Variants in DYNC1I1 observed in about 807,000 individuals in gnomAD.
DYNC1I1 encodes the protein cytoplasmic dynein 1 intermediate chain 1.
A neutral mutation model predicts 86.6 loss-of-function variants in DYNC1I1; 43 were observed. The observed-to-expected ratio is 0.50, with a 90% confidence interval of 0.39 to 0.64. The LOEUF (loss-of-function observed/expected upper bound fraction) is 0.64, where lower values mean the gene tolerates loss of function less well. Ranked by LOEUF, DYNC1I1 falls within the 30% of genes least tolerant of loss-of-function variation. The probability of loss-of-function intolerance (pLI) is 0.00; values close to 1 mark genes in which losing one functional copy is unlikely to be tolerated. For synonymous variants in DYNC1I1, 262 were observed against 283.7 expected, an observed-to-expected ratio of 0.92 and a Z score of 0.77; for missense variants, 604 against 788.8, an observed-to-expected ratio of 0.77 and a Z score of 2.81.
At chr7:96,110,109 T>G, downstream of DYNC1I1, 2 of 443,176 alleles carry the variant, frequency 4.5e-6, no homozygotes, top group South Asian at 3.2e-5. Context: ...TTATATCAGC[T>G]ACTGAGAGAT....
chr7:96,060,707 G>C (rs1029819816), intron 14 of DYNC1I1, among the ~76,000 whole-genome samples: 1 of 152,088 alleles, frequency 6.6e-6, no homozygotes, highest in Non-Finnish European at 1.5e-5. Context: ...ATTTACAATG[G>C]GAGAGGCTGT....
chr7:95,916,182 T>TC (rs1485103250), intron 6 of DYNC1I1, among the ~76,000 whole-genome samples: 2 of 152,236 alleles, frequency 1.3e-5, no homozygotes, highest in African/African-American at 4.8e-5. Flanking sequence ...TGGAAATATT[T>TC]CTAACTAAAA....
At chr7:96,062,524 T>C (rs908299191) in intron 14 of DYNC1I1, among the ~76,000 whole-genome samples, 2 of 152,130 alleles carry the variant, frequency 1.3e-5, no homozygotes, top group African/African-American at 4.8e-5. Flanking sequence ...ATTAATACTG[T>C]GTAAATATAA....
Position 96,071,212 on chromosome 7 carries a change from T to C in DYNC1I1, c.1510-4845T>C, listed in dbSNP as rs73708460. Among the ~76,000 whole-genome samples, 105 of 152,332 alleles carry C rather than the reference T, an allele frequency of 6.9e-4. 1 individual carries two copies. Among genetic ancestry groups the C allele is most frequent in the African/African-American group, 2.3e-3 (94 of 41,578 alleles). ...GAGTAAGAAAAAAATCACTGTGATA[T>C]GAACTCCACAAAACATAAAGGAAGA... On this transcript the variant is annotated intron_variant, in intron 14 of 16. Transcript: ENST00000447467.
chr7:95,819,322 G>A (rs1795021974), intron 4 of DYNC1I1, among the ~76,000 whole-genome samples: 1 of 152,048 alleles, frequency 6.6e-6, no homozygotes, highest in Non-Finnish European at 1.5e-5. Flanking sequence ...AATTCGTTGT[G>A]GGCAACTTGT....
rs767909436 is a variant in DYNC1I1 at position 95,996,003 on chromosome 7, C to G, written c.899C>G (p.Pro300Arg). 1 of 1,613,264 alleles carries G rather than the reference C, an allele frequency of 6.2e-7. No homozygotes were observed. The highest frequency in any genetic ancestry group is 8.5e-7 in the Non-Finnish European group (1 of 1,179,696). ...AACAATGAAGATGCTCCCCATGAAC[C>G]AGATGGAGTGGCCTTGGTTTGGAAC... Reference protein sequence around the residue: ...YNNNEDAPHEPDGVALVWNMK... With the variant: ...YNNNEDAPHERDGVALVWNMK... The change falls in exon 10 of 17, where the codon CCA becomes CGA. Residue 300 changes from proline (P) to arginine (R), a missense_variant. By Grantham distance (103) the Pro-to-Arg change is moderately radical (BLOSUM62 -2). Coordinates refer to ENST00000447467, the MANE Select transcript of DYNC1I1 (RefSeq NM_001135556.2).
intron 6 of DYNC1I1, among the ~76,000 whole-genome samples, chr7:95,878,669 A>C (rs1001793012): frequency 3.3e-5 from 5 of 152,220 alleles, no homozygotes; most frequent in Admixed American, 1.3e-4. Flanking sequence ...GAAAATACTC[A>C]AATAAATAAT....
intron 6 of DYNC1I1, among the ~76,000 whole-genome samples, chr7:95,907,669 C>T (rs764329892): frequency 4.3e-4 from 66 of 152,228 alleles, no homozygotes; most frequent in African/African-American, 1.5e-3. Flanking sequence ...TTCAGTTTCC[C>T]GTCCTCATTC....
At chr7:95,835,497 G>C (rs1158163882) in intron 5 of DYNC1I1, among the ~76,000 whole-genome samples, 1 of 151,486 alleles carries the variant, frequency 6.6e-6, no homozygotes, top group African/African-American at 2.4e-5. Flanking sequence ...TCTGCTTGGT[G>C]CAGAGCTGAG....
At chr7:95,802,549 T>A (rs1033367637) in intron 1 of DYNC1I1, 1 of 152,238 alleles carries the variant, frequency 6.6e-6, no homozygotes, top group African/African-American at 2.4e-5. Flanking sequence ...TTCAAAAATC[T>A]GCTATGATTT....
chr7:96,104,565 A>G (rs1791186889), intron 16 of DYNC1I1, among the ~76,000 whole-genome samples: 1 of 152,112 alleles, frequency 6.6e-6, no homozygotes, highest in Admixed American at 6.6e-5. Flanking sequence ...GTAGTGGTAA[A>G]CATTATTTTT....
intron 6 of DYNC1I1, among the ~76,000 whole-genome samples, chr7:95,876,625 G>T (rs998871430): frequency 6.6e-6 from 1 of 152,058 alleles, no homozygotes; most frequent in Non-Finnish European, 1.5e-5. Context: ...TCAAATATAA[G>T]CCCCGCTACA....
intron 6 of DYNC1I1, among the ~76,000 whole-genome samples, chr7:95,960,774 A>G (rs1489414524): frequency 6.6e-6 from 1 of 152,218 alleles, no homozygotes; most frequent in Non-Finnish European, 1.5e-5. Flanking sequence ...TCCTTTGCAG[A>G]TGAATACAAG....
At chr7:95,918,720 G>A (rs998674532) in intron 6 of DYNC1I1, among the ~76,000 whole-genome samples, 3 of 152,172 alleles carry the variant, frequency 2.0e-5, no homozygotes, top group Admixed American at 2.0e-4. Context: ...GCCTTAAGGC[G>A]AAAATTTATA....
chr7:95,982,441 GAGA>G (rs1383330410), intron 7 of DYNC1I1, among the ~76,000 whole-genome samples: 1 of 152,046 alleles, frequency 6.6e-6, no homozygotes, highest in Non-Finnish European at 1.5e-5. Flanking sequence ...GTTTCTGTTA[GAGA>G]AGAAGTTGTG....
intron 5 of DYNC1I1, among the ~76,000 whole-genome samples, chr7:95,839,311 G>A (rs1271087286): frequency 1.3e-5 from 2 of 152,166 alleles, no homozygotes; most frequent in Non-Finnish European, 2.9e-5. Context: ...GATTACAGAT[G>A]TGAGCCACTG....
chr7:95,961,965 A>ACAC (rs1792882119), intron 6 of DYNC1I1, among the ~76,000 whole-genome samples: 1 of 151,890 alleles, frequency 6.6e-6, no homozygotes, highest in Non-Finnish European at 1.5e-5. Flanking sequence ...TCCTGACTTC[A>ACAC]CACCCTCCTT....
chr7:96,034,119 A>G (rs1794878194), intron 12 of DYNC1I1, among the ~76,000 whole-genome samples: 1 of 152,136 alleles, frequency 6.6e-6, no homozygotes, highest in Admixed American at 6.6e-5. Flanking sequence ...CAAAATACGG[A>G]TGTAAAGAAT....
intron 6 of DYNC1I1, among the ~76,000 whole-genome samples, chr7:95,965,631 C>T (rs990903691): frequency 1.3e-5 from 2 of 152,124 alleles, no homozygotes; most frequent in African/African-American, 4.8e-5. Flanking sequence ...AATGCTAGCA[C>T]TTGCAGGATT....
Sources: gnomAD v4.1 joint callset for allele counts (sites outside exome capture counted in the v4.1 genomes callset) on GRCh38, gnomAD v4.1.1 for gene constraint, MANE v1.5 for transcripts, NCBI Gene and HGNC (gene_info 2026-07-23, HGNC 2026-07-21) for gene names.